Variants in CTNNA2 observed in about 807,000 individuals in gnomAD.
CTNNA2 encodes the protein catenin alpha 2.
A neutral mutation model predicts 101.0 loss-of-function variants in CTNNA2; 42 were observed. The observed-to-expected ratio is 0.42, with a 90% confidence interval of 0.32 to 0.54. The LOEUF (loss-of-function observed/expected upper bound fraction) is 0.54, where lower values mean the gene tolerates loss of function less well. Ranked by LOEUF, CTNNA2 falls within the 20% of genes least tolerant of loss-of-function variation. The pLI is 0.14. For missense variants in CTNNA2, 871 were observed against 1,223.1 expected (o/e 0.71, Z 4.29); for synonymous variants, 450 against 456.4 (o/e 0.99, Z 0.18).
At chr2:80,362,533 A>C (rs1405918529) in intron 7 of CTNNA2, among the ~76,000 whole-genome samples, 1 of 152,108 alleles carries the variant, frequency 6.6e-6, no homozygotes, top group Non-Finnish European at 1.5e-5. Context: ...AAGAAAAGTA[A>C]CTGTGCAAAA....
intron 2 of CTNNA2, among the ~76,000 whole-genome samples, chr2:79,724,535 G>T (rs758926097): frequency 6.6e-6 from 1 of 152,020 alleles, no homozygotes; most frequent in Non-Finnish European, 1.5e-5. Flanking sequence ...AGAAATAATG[G>T]GCTGGCGCGG....
At chr2:80,326,490 C>G (rs886804809) in intron 7 of CTNNA2, among the ~76,000 whole-genome samples, 1 of 152,176 alleles carries the variant, frequency 6.6e-6, no homozygotes, top group Non-Finnish European at 1.5e-5. Context: ...TTGCCTCTCC[C>G]TGAGAAGTTC....
chr2:80,413,440 C>T (rs1679768349), intron 8 of CTNNA2, among the ~76,000 whole-genome samples: 1 of 152,190 alleles, frequency 6.6e-6, no homozygotes, highest in South Asian at 2.1e-4. Flanking sequence ...CATGATTATT[C>T]TTTAAATGTC....
chr2:80,153,860 A>G (rs1450516316), intron 7 of CTNNA2, among the ~76,000 whole-genome samples: 1 of 152,196 alleles, frequency 6.6e-6, no homozygotes, highest in Non-Finnish European at 1.5e-5. Context: ...CATTCAAATT[A>G]CATGGTTCTC....
At position 79,651,667 on chromosome 2, in the gene CTNNA2, T is replaced by C. The variant is rs545518666; in HGVS notation, c.102+9T>C. 6.2e-7 allele frequency: 1 copy of C among 1,611,386 alleles called. No individual in the cohort carries two copies. The highest frequency in any genetic ancestry group is 2.2e-5 in the East Asian group (1 of 44,850). On this transcript the variant is annotated intron_variant, in intron 2 of 18. Transcript: ENST00000402739. ...AGCCACTTGTTACACAGGTAAGGGATGCTTTGAAACCACTTTGTTATATAT... is the reference window on the plus strand; with the variant it reads ...AGCCACTTGTTACACAGGTAAGGGACGCTTTGAAACCACTTTGTTATATAT...
At chr2:79,838,187 A>G (rs532562137) in intron 3 of CTNNA2, among the ~76,000 whole-genome samples, 1 of 152,298 alleles carries the variant, frequency 6.6e-6, no homozygotes, top group South Asian at 2.1e-4. Context: ...AGCTCAGTTT[A>G]GTCTTTCATT....
At chr2:80,521,373 T>C (rs958487279) in intron 9 of CTNNA2, among the ~76,000 whole-genome samples, 1 of 152,202 alleles carries the variant, frequency 6.6e-6, no homozygotes, top group Non-Finnish European at 1.5e-5. Flanking sequence ...CTATGTAGAA[T>C]CATTGCTCCC....
intron 8 of CTNNA2, among the ~76,000 whole-genome samples, chr2:80,411,167 T>C (rs144509904): frequency 6.6e-6 from 1 of 152,208 alleles, no homozygotes; most frequent in South Asian, 2.1e-4. Context: ...ATCTTACAAT[T>C]TACTATTTTA....
At chr2:80,543,980 T>C (rs1002596053) in intron 9 of CTNNA2, among the ~76,000 whole-genome samples, 2 of 152,162 alleles carry the variant, frequency 1.3e-5, no homozygotes, top group African/African-American at 4.8e-5. Context: ...GATACCAGCC[T>C]GATGGGACTG....
chr2:79,603,122 T>A (rs976012673), intron 1 of CTNNA2, among the ~76,000 whole-genome samples: 3 of 151,970 alleles, frequency 2.0e-5, no homozygotes, highest in African/African-American at 7.2e-5. Flanking sequence ...AACCCACATA[T>A]AAATGAGTGC....
chr2:79,975,373 TTC>T (rs1329236938), intron 7 of CTNNA2, among the ~76,000 whole-genome samples: 11 of 152,174 alleles, frequency 7.2e-5, no homozygotes, highest in Non-Finnish European at 1.5e-4. Context: ...CACAAAACAC[TTC>T]TGAGACCCCA....
At chr2:79,894,197 A>G (rs1386809902) in intron 6 of CTNNA2, among the ~76,000 whole-genome samples, 1 of 151,972 alleles carries the variant, frequency 6.6e-6, no homozygotes, top group Non-Finnish European at 1.5e-5. Flanking sequence ...TCTCCAGTTA[A>G]CCTTGATATG....
In CTNNA2 at chr2:79,559,839, G is replaced by A. The variant is rs564771544; in HGVS notation, c.-6+46632G>A. On this transcript the variant is annotated intron_variant, in intron 1 of 18. Coordinates refer to ENST00000402739, the MANE Select transcript of CTNNA2 (RefSeq NM_001282597.3). Reference sequence around the variant, plus strand: ...ATGATAAAATAATACTAACTATAACGAAAAAACTACCATTTATGTGCCAGG... The same window carrying A: ...ATGATAAAATAATACTAACTATAACAAAAAAACTACCATTTATGTGCCAGG... Among the ~76,000 whole-genome samples the A allele has an allele frequency of 6.6e-5, 10 of 151,614 alleles. No homozygotes were observed. In the East Asian group the frequency reaches 7.7e-4, roughly 12 times the overall value.
intron 1 of CTNNA2, among the ~76,000 whole-genome samples, chr2:79,635,049 T>C (rs1315492295): frequency 1.3e-5 from 2 of 152,084 alleles, no homozygotes; most frequent in African/African-American, 4.8e-5. Context: ...GGGGTAAGAT[T>C]GAAGGCAACA....
intron 3 of CTNNA2, among the ~76,000 whole-genome samples, chr2:79,837,749 T>G (rs1024587237): frequency 1.3e-5 from 2 of 149,156 alleles, no homozygotes; most frequent in East Asian, 1.9e-4. Context: ...AGAAAGTGTG[T>G]TTTTTTTTAA....
At chr2:80,561,965 C>T (rs758714508) in intron 12 of CTNNA2, among the ~76,000 whole-genome samples, 22 of 151,704 alleles carry the variant, frequency 1.5e-4, no homozygotes, top group African/African-American at 2.2e-4. Context: ...CATGAGCCAC[C>T]GCGCCTGGCC....
At chr2:80,449,321 A>G (rs1683310294) in intron 9 of CTNNA2, among the ~76,000 whole-genome samples, 1 of 145,968 alleles carries the variant, frequency 6.9e-6, no homozygotes, top group African/African-American at 2.6e-5. Context: ...ATAAATAAAT[A>G]AATACACTAA....
At chr2:79,337,112 T>C (rs1048237126) in intron 3 of CTNNA2, among the ~76,000 whole-genome samples, 2 of 152,224 alleles carry the variant, frequency 1.3e-5, no homozygotes, top group East Asian at 3.8e-4. Flanking sequence ...CAAAGGGTCA[T>C]AGATTTTTTT....
rs141203942 is a variant in CTNNA2 at position 79,338,074 on chromosome 2, C to T, written c.-318+25278C>T. ...CAGCCTGGTGAACATGGAGAAACCC[C>T]ATCTCTACTAAAAATACAAAAAAAT... On this transcript the variant is annotated intron_variant, in intron 3 of 21. Transcript: ENST00000466387. Among the ~76,000 whole-genome samples, 802 of 151,620 alleles carry T rather than the reference C, an allele frequency of 5.3e-3. 8 individuals carry two copies. Among genetic ancestry groups the T allele is most frequent in the African/African-American group, 0.019 (778 of 41,326 alleles).
Sources: gnomAD v4.1 joint callset for allele counts (sites outside exome capture counted in the v4.1 genomes callset) on GRCh38, gnomAD v4.1.1 for gene constraint, MANE v1.5 for transcripts, NCBI Gene and HGNC (gene_info 2026-07-23, HGNC 2026-07-21) for gene names.